WWOX: variants seen among roughly 807,000 people sequenced by gnomAD.
WWOX encodes the protein WW domain-containing oxidoreductase.
In WWOX, 69 loss-of-function variants were observed where a neutral mutation model predicts 46.2. The ratio of observed to expected loss-of-function variants is 1.49; its 90% confidence interval spans 1.23 to 1.82. WWOX has a LOEUF of 1.82. WWOX is among the 40% of genes most tolerant of loss of function. The pLI, the probability that WWOX is intolerant of heterozygous loss-of-function variation, is 0.00. For synonymous variants in WWOX, 359 were observed against 202.6 expected, an observed-to-expected ratio of 1.77 and a Z score of -6.56; for missense variants, 919 against 542.6, an observed-to-expected ratio of 1.69 and a Z score of -6.89.
intron 8 of WWOX, among the ~76,000 whole-genome samples, chr16:78,474,497 T>C (rs904949593): frequency 6.6e-6 from 1 of 152,236 alleles, no homozygotes; most frequent in African/African-American, 2.4e-5. Flanking sequence ...GGTTCCCTTT[T>C]AGATTTTCTT....
intron 8 of WWOX, among the ~76,000 whole-genome samples, chr16:79,070,471 C>T (rs542637404): frequency 6.6e-6 from 1 of 152,302 alleles, no homozygotes; most frequent in Non-Finnish European, 1.5e-5. Flanking sequence ...TTTTTACTCA[C>T]CACCGATGGA....
chr16:78,747,800 C>A (rs919895288), intron 8 of WWOX, among the ~76,000 whole-genome samples: 1 of 152,192 alleles, frequency 6.6e-6, no homozygotes, highest in African/African-American at 2.4e-5. Context: ...GCTCAACATA[C>A]CAGAGTTTAG....
intron 8 of WWOX, among the ~76,000 whole-genome samples, chr16:79,120,176 G>T (rs1039620121): frequency 6.6e-6 from 1 of 152,230 alleles, no homozygotes; most frequent in Non-Finnish European, 1.5e-5. Flanking sequence ...CATACGGCCT[G>T]TGAGGCCAGG....
intron 8 of WWOX, among the ~76,000 whole-genome samples, chr16:79,152,540 G>A (rs891862536): frequency 8.6e-5 from 13 of 151,986 alleles, no homozygotes; most frequent in Admixed American, 7.2e-4. Flanking sequence ...GCGTGGTGGC[G>A]TGTTCCTGTA....
chr16:79,055,436 G>A (rs981405445), intron 8 of WWOX, among the ~76,000 whole-genome samples: 1 of 152,122 alleles, frequency 6.6e-6, no homozygotes, highest in African/African-American at 2.4e-5. Context: ...TGACTACCCT[G>A]AGACTGCCAT....
At chr16:78,563,801 C>T (rs1210431121) in intron 8 of WWOX, among the ~76,000 whole-genome samples, 1 of 152,112 alleles carries the variant, frequency 6.6e-6, no homozygotes, top group Non-Finnish European at 1.5e-5. Flanking sequence ...ACCAATTCTT[C>T]CCTGTCCCCT....
At chr16:78,570,765 T>C (rs1328366161) in intron 8 of WWOX, among the ~76,000 whole-genome samples, 1 of 152,038 alleles carries the variant, frequency 6.6e-6, no homozygotes. Context: ...AGATAAAATA[T>C]ATTCCAGTGG....
chr16:78,360,615 ATATTTCACAGTACCTCTACTTTCTTGT>A (rs1168258061), intron 5 of WWOX, among the ~76,000 whole-genome samples: 47 of 101,184 alleles, frequency 4.6e-4, no homozygotes, highest in African/African-American at 7.3e-4. Context: ...AGAAATAGCA[ATATTTCACAGTACCTCTACTTTCTTGT>A]AATTTTAGCA....
intron 8 of WWOX, among the ~76,000 whole-genome samples, chr16:78,498,445 A>T (rs543702826): frequency 2.6e-5 from 4 of 152,304 alleles, no homozygotes; most frequent in African/African-American, 9.6e-5. Context: ...TCTAAACCAC[A>T]CATGGCCTGC....
chr16:78,903,534 A>C (rs940435005), intron 8 of WWOX, among the ~76,000 whole-genome samples: 1 of 152,226 alleles, frequency 6.6e-6, no homozygotes, highest in African/African-American at 2.4e-5. Context: ...GCCCTGCAGA[A>C]AAGGTAAGGG....
chr16:78,866,330 C>G (rs906797484), intron 8 of WWOX, among the ~76,000 whole-genome samples: 2 of 152,132 alleles, frequency 1.3e-5, no homozygotes, highest in African/African-American at 4.8e-5. Context: ...CTCTTTCTCC[C>G]TCTGGGGGAC....
intron 7 of WWOX, among the ~76,000 whole-genome samples, chr16:78,427,724 G>A (rs761333098): frequency 7.9e-5 from 12 of 152,114 alleles, no homozygotes; most frequent in Non-Finnish European, 1.5e-4. Flanking sequence ...GTTGCGGTAA[G>A]CGTTGATCAT....
chr16:78,489,698 C>G (rs3736454), intron 8 of WWOX, among the ~76,000 whole-genome samples: 96,096 of 152,068 alleles, frequency 0.63, 33,977 homozygotes, highest in East Asian at 0.81. Flanking sequence ...GGCGCCTGAG[C>G]TGGGCCCTGG....
intron 5 of WWOX, among the ~76,000 whole-genome samples, chr16:78,247,527 G>T (rs1488643122): frequency 6.6e-6 from 1 of 152,084 alleles, no homozygotes; most frequent in Admixed American, 6.5e-5. Context: ...AGCTGATAGG[G>T]CCAGTTGGAC....
chr16:79,126,579 C>T (rs1481168371), intron 8 of WWOX, among the ~76,000 whole-genome samples: 1 of 152,100 alleles, frequency 6.6e-6, no homozygotes, highest in Non-Finnish European at 1.5e-5. Context: ...TTCCTGAGGC[C>T]TCCCCAGTCA....
intron 8 of WWOX, among the ~76,000 whole-genome samples, chr16:78,563,687 A>G (rs201903153): frequency 2.0e-5 from 3 of 152,294 alleles, no homozygotes; most frequent in East Asian, 3.9e-4. Context: ...TGATTCATTA[A>G]TATCCCTTGT....
intron 8 of WWOX, among the ~76,000 whole-genome samples, chr16:79,174,615 TC>T (rs1216603128): frequency 2.0e-5 from 3 of 152,184 alleles, no homozygotes; most frequent in African/African-American, 7.2e-5. Flanking sequence ...ACCATTGCAC[TC>T]CAGCCTGGGC....
At chr16:78,899,163 C>G (rs908027063) in intron 8 of WWOX, 1 of 152,092 alleles carries the variant, frequency 6.6e-6, no homozygotes, top group Non-Finnish European at 1.5e-5. Flanking sequence ...TTGCTTTATT[C>G]AGGACTTCTC....
chr16:78,135,622 C>G (rs1408043977), intron 4 of WWOX, among the ~76,000 whole-genome samples: 4 of 151,806 alleles, frequency 2.6e-5, no homozygotes, highest in African/African-American at 7.3e-5. Flanking sequence ...GCTTTCTTTT[C>G]TTTCTACTAA....
Sources: allele counts gnomAD v4.1 joint callset (sites outside exome capture counted in the v4.1 genomes callset), GRCh38; gene constraint gnomAD v4.1.1; transcripts MANE v1.5; gene names NCBI Gene and HGNC (gene_info 2026-07-23, HGNC 2026-07-21).